Variants in PYM1 observed in about 807,000 individuals in gnomAD.
PYM1 encodes the protein partner of Y14 and mago.
Under a neutral mutation model 20.7 loss-of-function variants are expected in PYM1, and 7 were observed. The observed-to-expected ratio is 0.34, with a 90% confidence interval of 0.19 to 0.64. The LOEUF is 0.64. Among genes scored for constraint, PYM1 ranks in the 30% least tolerant of loss-of-function variants. The pLI, the probability that PYM1 is intolerant of heterozygous loss-of-function variation, is 0.74. For synonymous variants in PYM1, 100 were observed against 99.2 expected, an observed-to-expected ratio of 1.01 and a Z score of -0.05; for missense variants, 194 against 250.0, an observed-to-expected ratio of 0.78 and a Z score of 1.51.
intron 1 of PYM1, among the ~76,000 whole-genome samples, chr12:55,915,213 TAAAAA>T (rs1174981358): frequency 2.0e-5 from 1 of 48,972 alleles, no homozygotes; most frequent in Non-Finnish European, 3.3e-5. Context: ...AGACTCTGCC[TAAAAA>T]AAAAAAAAAA....
intron 1 of PYM1, among the ~76,000 whole-genome samples, chr12:55,925,171 A>C (rs1198265674): frequency 1.3e-5 from 2 of 152,208 alleles, no homozygotes; most frequent in Admixed American, 6.5e-5. Context: ...TAGTATAGAA[A>C]ATCAAAATGA....
chr12:55,913,413 CAG>C (rs2136263332), intron 1 of PYM1, among the ~76,000 whole-genome samples: 1 of 152,252 alleles, frequency 6.6e-6, no homozygotes, highest in African/African-American at 2.4e-5. Context: ...AAAAGAGACT[CAG>C]GGTAAATTAG....
At chr12:55,922,001 G>A (rs1245591070) in intron 1 of PYM1, among the ~76,000 whole-genome samples, 1 of 151,966 alleles carries the variant, frequency 6.6e-6, no homozygotes, top group African/African-American at 2.4e-5. Context: ...GGCTCCCTGA[G>A]TAGCTGGGAC....
intron 1 of PYM1, among the ~76,000 whole-genome samples, chr12:55,907,798 G>A: frequency 6.7e-6 from 1 of 150,276 alleles, no homozygotes; most frequent in Non-Finnish European, 1.5e-5. Context: ...AATTAGCTGG[G>A]TGTGGTGGCA....
At chr12:55,917,851 T>G (rs989091267) in intron 1 of PYM1, among the ~76,000 whole-genome samples, 1 of 152,022 alleles carries the variant, frequency 6.6e-6, no homozygotes, top group East Asian at 2.0e-4. Context: ...TCCCAGCTAC[T>G]TGGGATGCTG....
At chr12:55,922,661 T>C (rs1088050) in intron 1 of PYM1, among the ~76,000 whole-genome samples, 5,829 of 152,068 alleles carry the variant, frequency 0.038, 382 homozygotes, top group African/African-American at 0.13. Context: ...TGTGATACTA[T>C]GTACCCTGAT....
At position 55,913,148 on chromosome 12, in the gene PYM1, T is replaced by A. The variant is rs139867672; in HGVS notation, c.38-9668A>T. ...AAGTATCAACTCAAGGCAGCCTTCC[T>A]GACTTCCTTACGCCAAGCCAGGTTA... On this transcript the variant is annotated intron_variant, in intron 1 of 2. Transcript: ENST00000408946. Among the ~76,000 whole-genome samples the A allele has an allele frequency of 1.4e-3, 208 of 152,326 alleles. 5 individuals carry two copies. The East Asian group carries it at 0.039, about 29-fold the overall frequency.
intron 1 of PYM1, among the ~76,000 whole-genome samples, chr12:55,916,883 G>C (rs1392537785): frequency 1.3e-5 from 2 of 152,020 alleles, no homozygotes; most frequent in Non-Finnish European, 2.9e-5. Context: ...GGCTGAGGCA[G>C]GCAGATCGCT....
At chr12:55,906,718 G>A (rs964849817) in intron 1 of PYM1, among the ~76,000 whole-genome samples, 2 of 151,842 alleles carry the variant, frequency 1.3e-5, no homozygotes, top group East Asian at 1.9e-4. Flanking sequence ...GTGCAGTCTC[G>A]GCTCACTGCA....
chr12:55,911,514 T>A (rs1380052466), intron 1 of PYM1, among the ~76,000 whole-genome samples: 3 of 152,160 alleles, frequency 2.0e-5, no homozygotes, highest in Non-Finnish European at 4.4e-5. Context: ...TAAAATATTT[T>A]TATTTTCTTG....
At chr12:55,918,255 GC>G (rs1230785667) in intron 1 of PYM1, among the ~76,000 whole-genome samples, 1 of 151,742 alleles carries the variant, frequency 6.6e-6, no homozygotes, top group Non-Finnish European at 1.5e-5. Context: ...CCGCCACCAT[GC>G]CCGGCTAAGT....
intron 1 of PYM1, among the ~76,000 whole-genome samples, chr12:55,917,378 C>G (rs1883025642): frequency 6.6e-6 from 1 of 151,814 alleles, no homozygotes; most frequent in African/African-American, 2.4e-5. Flanking sequence ...CAAGGTCGCA[C>G]CATTGCACTC....
chr12:55,905,348 C>T (rs1441318412), intron 1 of PYM1, among the ~76,000 whole-genome samples: 1 of 151,576 alleles, frequency 6.6e-6, no homozygotes, highest in Non-Finnish European at 1.5e-5. Flanking sequence ...TCATTAATCT[C>T]ATCACTAAAG....
At chr12:55,904,957 GTTATT>G (rs1016494704) in intron 1 of PYM1, among the ~76,000 whole-genome samples, 50 of 151,916 alleles carry the variant, frequency 3.3e-4, no homozygotes, top group Admixed American at 9.9e-4. Flanking sequence ...CCTTTACACT[GTTATT>G]TTATAATATG....
At chr12:55,903,701 C>G (rs1882734721) in intron 1 of PYM1, among the ~76,000 whole-genome samples, 1 of 151,892 alleles carries the variant, frequency 6.6e-6, no homozygotes, top group African/African-American at 2.4e-5. Flanking sequence ...CAAGAAGATT[C>G]TATTTGTAGG....
chr12:55,913,273 GAACTTTGTAGCAAA>G (rs1323332465), intron 1 of PYM1, among the ~76,000 whole-genome samples: 1 of 152,156 alleles, frequency 6.6e-6, no homozygotes, highest in Non-Finnish European at 1.5e-5. Flanking sequence ...AACTGTCTTT[GAACTTTGTAGCAAA>G]GAGCCTGGCC....
At chr12:55,907,924 C>T (rs148274327) in intron 1 of PYM1, among the ~76,000 whole-genome samples, 2,939 of 148,930 alleles carry the variant, frequency 0.02, 96 homozygotes, top group African/African-American at 0.067. Context: ...GGCAACAGAG[C>T]GAGACTCCGT....
chr12:55,905,731 T>TAG (rs1319584668), intron 1 of PYM1, among the ~76,000 whole-genome samples: 3 of 136,236 alleles, frequency 2.2e-5, no homozygotes, highest in Non-Finnish European at 4.6e-5. Flanking sequence ...TATGTATATA[T>TAG]ATATATATTT....
intron 1 of PYM1, among the ~76,000 whole-genome samples, chr12:55,920,623 C>T (rs1419247807): frequency 1.3e-4 from 19 of 142,874 alleles, no homozygotes; most frequent in Non-Finnish European, 2.1e-4. Flanking sequence ...GGTGACAAAG[C>T]GAGACTCCGT....
Sources: gnomAD v4.1 joint callset for allele counts (sites outside exome capture counted in the v4.1 genomes callset) on GRCh38, gnomAD v4.1.1 for gene constraint, MANE v1.5 for transcripts, NCBI Gene and HGNC (gene_info 2026-07-23, HGNC 2026-07-21) for gene names.